The following DLGAP2 variants were observed in gnomAD, a reference collection of about 807,000 sequenced individuals.
The protein encoded by DLGAP2 is DLG associated protein 2, also known as disks large-associated protein 2.
DLGAP2 carries 26 observed loss-of-function variants against 100.3 expected under a neutral mutation model. The observed-to-expected ratio is 0.26, with a 90% CI of 0.19 to 0.36. DLGAP2 has a LOEUF of 0.36. Ranked by LOEUF, DLGAP2 falls within the 10% of genes least tolerant of loss-of-function variation. DLGAP2 has a pLI of 1.00. For missense variants in DLGAP2, 1,858 were observed against 1,453.2 expected (o/e 1.28, Z -4.53); for synonymous variants, 886 against 630.1 (o/e 1.41, Z -6.08).
At chr8:1,032,591 C>T (rs1348864193) in intron 2 of DLGAP2, 1 of 152,166 alleles carries the variant, frequency 6.6e-6, no homozygotes, top group Non-Finnish European at 1.5e-5. Flanking sequence ...TTTAGGTCTG[C>T]TGTGTGCCAA....
intron 1 of DLGAP2, among the ~76,000 whole-genome samples, chr8:898,398 C>T (rs778602932): frequency 1.8e-4 from 27 of 152,176 alleles, no homozygotes; most frequent in Admixed American, 7.2e-4. Flanking sequence ...CCCTGGAAGG[C>T]GGTCATTGGC....
At chr8:1,186,558 A>G (rs1797509473) in intron 2 of DLGAP2, among the ~76,000 whole-genome samples, 1 of 151,954 alleles carries the variant, frequency 6.6e-6, no homozygotes, top group African/African-American at 2.4e-5. Context: ...ACCCTGAGAG[A>G]TGTTATTACG....
intron 1 of DLGAP2, among the ~76,000 whole-genome samples, chr8:748,685 G>C (rs1820714650): frequency 6.6e-6 from 1 of 152,304 alleles, no homozygotes; most frequent in African/African-American, 2.4e-5. Context: ...TCACTGAGGA[G>C]CTCGTGGTGG....
chr8:1,036,413 A>G (rs1416120404), intron 2 of DLGAP2, among the ~76,000 whole-genome samples: 2 of 152,208 alleles, frequency 1.3e-5, no homozygotes, highest in Admixed American at 6.5e-5. Flanking sequence ...TCAGCTCCTC[A>G]GGGCTGGAAA....
intron 3 of DLGAP2, among the ~76,000 whole-genome samples, chr8:1,298,411 G>C (rs1054025498): frequency 6.6e-6 from 1 of 152,192 alleles, no homozygotes; most frequent in Non-Finnish European, 1.5e-5. Context: ...GAGACACCAG[G>C]AAGCCCTGGA....
In DLGAP2 at chr8:965,114, C is replaced by G. The variant is rs1799818403; in HGVS notation, c.73+57148C>G. On this transcript the variant is annotated intron_variant, in intron 2 of 14. Coordinates refer to ENST00000637795, the MANE Select transcript of DLGAP2 (RefSeq NM_001346810.2). ...TTCATCACACACGCGGCTCCAGAGC[C>G]CGACCCCCGCATGCACACGGCGCTG... Among the ~76,000 whole-genome samples, 3 of 147,004 alleles carry G rather than the reference C, an allele frequency of 2.0e-5. No homozygotes were observed. In the Admixed American group the frequency reaches 2.1e-4, roughly 10 times the overall value.
intron 1 of DLGAP2, among the ~76,000 whole-genome samples, chr8:880,506 CGGGGTG>C (rs1360950527): frequency 3.7e-4 from 55 of 149,674 alleles, no homozygotes; most frequent in Non-Finnish European, 5.7e-4. Flanking sequence ...GTAGGTGGGT[CGGGGTG>C]ACCGTCCAGT....
At chr8:964,856 T>G (rs527255245) in intron 2 of DLGAP2, among the ~76,000 whole-genome samples, 70 of 152,302 alleles carry the variant, frequency 4.6e-4, no homozygotes, top group African/African-American at 1.6e-3. Context: ...TGCGATGGCC[T>G]TTGGCTCCGC....
At chr8:1,473,398 T>A (rs1488459660) in intron 3 of DLGAP2, among the ~76,000 whole-genome samples, 1 of 152,170 alleles carries the variant, frequency 6.6e-6, no homozygotes, top group Admixed American at 6.5e-5. Flanking sequence ...GAATCTCAGA[T>A]CCACTGCGGG....
chr8:947,754 C>T (rs1051748457), intron 2 of DLGAP2, among the ~76,000 whole-genome samples: 4 of 152,202 alleles, frequency 2.6e-5, no homozygotes, highest in African/African-American at 4.8e-5. Flanking sequence ...TTTGAGGATC[C>T]GGCTCCCCGG....
At chr8:1,160,466 A>G (rs986769928) in intron 2 of DLGAP2, among the ~76,000 whole-genome samples, 1 of 152,264 alleles carries the variant, frequency 6.6e-6, no homozygotes. Context: ...GGTGCTTTTT[A>G]TTCAGCTAGG....
At chr8:1,371,791 A>G (rs1271543194) in intron 3 of DLGAP2, among the ~76,000 whole-genome samples, 1 of 152,126 alleles carries the variant, frequency 6.6e-6, no homozygotes, top group Admixed American at 6.5e-5. Flanking sequence ...CTCATATTCC[A>G]CGTGCATCGT....
At chr8:1,231,672 C>G (rs1391818235) in intron 2 of DLGAP2, among the ~76,000 whole-genome samples, 2 of 152,156 alleles carry the variant, frequency 1.3e-5, no homozygotes, top group Admixed American at 6.5e-5. Flanking sequence ...AAATCGTGTT[C>G]TTTGCAGCAA....
At chr8:1,437,889 G>A (rs1563148749) in intron 3 of DLGAP2, among the ~76,000 whole-genome samples, 1 of 151,348 alleles carries the variant, frequency 6.6e-6, no homozygotes, top group Non-Finnish European at 1.5e-5. Context: ...GGGAGGCTGA[G>A]ACAGGAGAAT....
At chr8:1,581,976 CAT>C (rs1803286035) in intron 6 of DLGAP2, among the ~76,000 whole-genome samples, 1 of 148,892 alleles carries the variant, frequency 6.7e-6, no homozygotes, top group Non-Finnish European at 1.5e-5. Context: ...TCCCCACACA[CAT>C]GTACACACCA....
rs538011032 is a variant in DLGAP2 at position 827,165 on chromosome 8, C to A, written c.19-80747C>A. On this transcript the variant is annotated intron_variant, in intron 1 of 14. Transcript: ENST00000637795. ...AGAGCAGCCTACAGTGCCTGGACAG[C>A]GCCACAGCCAAGAATCATCCAGACC... 3.3e-5 allele frequency among the ~76,000 whole-genome samples: 5 copies of A among 152,240 alleles called. No individual in the cohort carries two copies. The East Asian group carries it at 9.7e-4, about 29-fold the overall frequency.
Position 1,241,201 on chromosome 8 carries a change from GCCATGTCTAA to G in DLGAP2, c.74-17649_74-17640del, listed in dbSNP as rs1563274506. ...GCCGTGTCTCGTTCTCTCACATGGA[GCCATGTCTAA>G]TTCTCTCACATGGCGCCGTGTCTAG... On this transcript the variant is annotated intron_variant, in intron 2 of 14. Coordinates refer to ENST00000637795, the MANE Select transcript of DLGAP2 (RefSeq NM_001346810.2). 2.2e-3 allele frequency among the ~76,000 whole-genome samples: 53 copies of G among 24,308 alleles called. 3 individuals carry two copies. Among genetic ancestry groups the G allele is most frequent in the Non-Finnish European group, 1.4e-3 (11 of 8,104 alleles). 15.9% of individuals were successfully genotyped at this position (24,308 alleles called of 152,430 possible).
At chr8:979,347 C>G (rs546040967) in intron 2 of DLGAP2, among the ~76,000 whole-genome samples, 1 of 152,272 alleles carries the variant, frequency 6.6e-6, no homozygotes, top group African/African-American at 2.4e-5. Context: ...GATATCCACC[C>G]CACAAGGGAG....
intron 1 of DLGAP2, among the ~76,000 whole-genome samples, chr8:811,294 A>C (rs1219964352): frequency 6.6e-6 from 1 of 152,290 alleles, no homozygotes; most frequent in Admixed American, 6.5e-5. Context: ...AGCAGGAACT[A>C]TCTGGGGGCC....
Sources: allele counts gnomAD v4.1 joint callset (sites outside exome capture counted in the v4.1 genomes callset), GRCh38; gene constraint gnomAD v4.1.1; transcripts MANE v1.5; gene names NCBI Gene and HGNC (gene_info 2026-07-23, HGNC 2026-07-21).